Variants in CUBN observed in about 807,000 individuals in gnomAD.
CUBN encodes the protein cubilin, also known as 460 kDa receptor.
Under a neutral mutation model 405.3 loss-of-function variants are expected in CUBN, and 282 were observed. That is an observed-to-expected ratio of 0.70 (90% CI 0.63 to 0.77). CUBN has a LOEUF of 0.77. CUBN is among the 30% of genes least tolerant of loss of function. The probability of loss-of-function intolerance (pLI) is 0.00; values close to 1 mark genes in which losing one functional copy is unlikely to be tolerated. For synonymous variants in CUBN, 1,684 were observed against 1,617.0 expected, an observed-to-expected ratio of 1.04 and a Z score of -0.99; for missense variants, 4,514 against 4,475.2, an observed-to-expected ratio of 1.01 and a Z score of -0.25.
chr10:17,069,040 T>C (rs1433149654), intron 19 of CUBN, among the ~76,000 whole-genome samples: 3 of 152,210 alleles, frequency 2.0e-5, no homozygotes, highest in Admixed American at 6.6e-5. Context: ...AATGGGATTA[T>C]ACAATATGGG....
At chr10:16,958,030 C>T (rs1235632673) in intron 31 of CUBN, among the ~76,000 whole-genome samples, 1 of 152,166 alleles carries the variant, frequency 6.6e-6, no homozygotes, top group Non-Finnish European at 1.5e-5. Context: ...TCTTCCCTCT[C>T]ACAGTCCTTG....
chr10:16,984,378 G>T, intron 29 of CUBN, 99 bp from the exon 30 acceptor site: 1 of 1,182,146 alleles, frequency 8.5e-7, no homozygotes, highest in Non-Finnish European at 1.2e-6. Flanking sequence ...TGGGTTCTAT[G>T]ATTATTAGAG....
At chr10:17,029,484 CT>C in intron 27 of CUBN, among the ~76,000 whole-genome samples, 1 of 152,326 alleles carries the variant, frequency 6.6e-6, no homozygotes, top group East Asian at 1.9e-4. Context: ...ATACTTCATT[CT>C]AAACTTTTTT....
chr10:17,018,383 T>C (rs961056351), intron 28 of CUBN, among the ~76,000 whole-genome samples: 1 of 152,108 alleles, frequency 6.6e-6, no homozygotes, highest in African/African-American at 2.4e-5. Flanking sequence ...TGGTGAGTGT[T>C]ATAGTTCTTA....
At chr10:17,082,511 A>C (rs901851613) in intron 17 of CUBN, among the ~76,000 whole-genome samples, 2 of 152,188 alleles carry the variant, frequency 1.3e-5, no homozygotes, top group African/African-American at 4.8e-5. Context: ...AGAGGTACTG[A>C]TAGTTCTTTA....
At chr10:17,000,425 G>A (rs1188951300) in intron 28 of CUBN, among the ~76,000 whole-genome samples, 2 of 152,096 alleles carry the variant, frequency 1.3e-5, no homozygotes, top group African/African-American at 2.4e-5. Flanking sequence ...CTAGCAATGC[G>A]CCCCTCCGCC....
intron 51 of CUBN, among the ~76,000 whole-genome samples, chr10:16,902,891 T>A (rs1841435696): frequency 6.6e-6 from 1 of 152,112 alleles, no homozygotes; most frequent in South Asian, 2.1e-4. Context: ...AAGGCAGGAC[T>A]GGAATTGAGA....
In CUBN at chr10:16,990,368, T is replaced by G; in HGVS notation, c.4316A>C (p.Glu1439Ala). The change falls in exon 29 of 67, where the codon GAG becomes GCG. Residue 1439 changes from glutamate (E) to alanine (A), a missense_variant. Coordinates refer to ENST00000377833, the MANE Select transcript of CUBN (RefSeq NM_001081.4). Reference protein sequence around the residue: ...IQLTIHDFDVEYHSRCNFDVL... With the variant: ...IQLTIHDFDVAYHSRCNFDVL... ...ATCAAAGTTGCACCTTGAATGATAC[T>G]CCACATCGAAGTCATGGATGGTGAG... 6.2e-7 allele frequency: 1 copy of G among 1,614,148 alleles called. No individual in the cohort carries two copies. The highest frequency in any genetic ancestry group is 2.2e-5 in the East Asian group (1 of 44,872).
intron 56 of CUBN, among the ~76,000 whole-genome samples, chr10:16,884,817 T>C (rs1288633214): frequency 6.6e-6 from 1 of 152,162 alleles, no homozygotes; most frequent in Non-Finnish European, 1.5e-5. Context: ...ATCTTTTCCT[T>C]GCCAATCCCA....
chr10:17,120,391 T>C (rs148050618), intron 6 of CUBN, among the ~76,000 whole-genome samples: 288 of 152,306 alleles, frequency 1.9e-3, no homozygotes, highest in Non-Finnish European at 3.4e-3. Context: ...ACTATTCCCA[T>C]ATCAAGAGAA....
intron 31 of CUBN, among the ~76,000 whole-genome samples, chr10:16,971,296 G>A (rs7079269): frequency 0.11 from 16,506 of 152,162 alleles, 1,585 homozygotes; most frequent in African/African-American, 0.25. Context: ...TACGTTTCCC[G>A]TCCAGTGTCC....
intron 54 of CUBN, among the ~76,000 whole-genome samples, chr10:16,892,543 G>A (rs535461486): frequency 2.7e-4 from 41 of 152,184 alleles, no homozygotes; most frequent in Non-Finnish European, 5.1e-4. Flanking sequence ...TCAGGCTGGA[G>A]CGCAGTGGCA....
intron 62 of CUBN, among the ~76,000 whole-genome samples, chr10:16,838,452 C>A (rs117541916): frequency 1.3e-5 from 2 of 152,190 alleles, no homozygotes; most frequent in Non-Finnish European, 2.9e-5. Context: ...ATCCTCAGTT[C>A]GTGGCCAATC....
intron 33 of CUBN, among the ~76,000 whole-genome samples, chr10:16,950,783 T>C (rs918172599): frequency 1.3e-5 from 2 of 152,242 alleles, no homozygotes; most frequent in African/African-American, 4.8e-5. Flanking sequence ...GAATATCTTG[T>C]TGGAAAATGC....
intron 36 of CUBN, among the ~76,000 whole-genome samples, chr10:16,943,607 A>T (rs1447028046): frequency 1.3e-5 from 2 of 152,182 alleles, no homozygotes; most frequent in African/African-American, 4.8e-5. Flanking sequence ...AAGGGAGATC[A>T]TTTTCCTCAG....
At chr10:16,914,658 C>T (rs928100883) in intron 47 of CUBN, among the ~76,000 whole-genome samples, 2 of 131,090 alleles carry the variant, frequency 1.5e-5, no homozygotes, top group Admixed American at 1.5e-4. Context: ...CCCATGTTCA[C>T]AAAAAAAAAA....
intron 56 of CUBN, among the ~76,000 whole-genome samples, chr10:16,882,297 G>A (rs1244135073): frequency 6.6e-6 from 1 of 152,188 alleles, no homozygotes; most frequent in African/African-American, 2.4e-5. Flanking sequence ...CAAGTGATTT[G>A]ATAGACATTT....
chr10:16,943,496 G>C (rs547717032), intron 36 of CUBN, among the ~76,000 whole-genome samples: 17 of 152,152 alleles, frequency 1.1e-4, no homozygotes, highest in Non-Finnish European at 2.4e-4. Flanking sequence ...GCCAACTTTT[G>C]TGTATACATT....
chr10:17,014,950 A>G (rs1370364472), intron 28 of CUBN, among the ~76,000 whole-genome samples: 2 of 152,294 alleles, frequency 1.3e-5, no homozygotes, highest in Admixed American at 6.5e-5. Flanking sequence ...CAGCAAACCA[A>G]TCTGCCTCCC....
Sources: allele counts gnomAD v4.1 joint callset (sites outside exome capture counted in the v4.1 genomes callset), GRCh38; gene constraint gnomAD v4.1.1; transcripts MANE v1.5; gene names NCBI Gene and HGNC (gene_info 2026-07-23, HGNC 2026-07-21).